The following ABCA12 variants were observed in gnomAD, a reference collection of about 807,000 sequenced individuals.
ABCA12 encodes ATP binding cassette subfamily A member 12.
A neutral mutation model predicts 293.5 loss-of-function variants in ABCA12; 156 were observed. That is an observed-to-expected ratio of 0.53 (90% CI 0.47 to 0.61). The LOEUF (loss-of-function observed/expected upper bound fraction) is 0.61, where lower values mean the gene tolerates loss of function less well. Among genes scored for constraint, ABCA12 ranks in the 20% least tolerant of loss-of-function variants. The pLI, the probability that ABCA12 is intolerant of heterozygous loss-of-function variation, is 0.00. For missense variants in ABCA12, 2,797 were observed against 3,090.2 expected (o/e 0.91, Z 2.25); for synonymous variants, 1,063 against 1,108.0 (o/e 0.96, Z 0.81).
At chr2:214,964,404 A>G (rs1427014392) in intron 39 of ABCA12, among the ~76,000 whole-genome samples, 1 of 152,166 alleles carries the variant, frequency 6.6e-6, no homozygotes, top group African/African-American at 2.4e-5. Flanking sequence ...AAAGAAATAA[A>G]GGTATTCAAA....
At chr2:215,040,470 G>A (rs1339615290) in intron 7 of ABCA12, among the ~76,000 whole-genome samples, 1 of 152,038 alleles carries the variant, frequency 6.6e-6, no homozygotes, top group African/African-American at 2.4e-5. Flanking sequence ...AAAAAGTATT[G>A]GCAAAGATAT....
intron 2 of ABCA12, among the ~76,000 whole-genome samples, chr2:215,099,407 G>T (rs545922389): frequency 5.9e-5 from 9 of 152,242 alleles, no homozygotes; most frequent in African/African-American, 1.7e-4. Context: ...TTTAATTTCC[G>T]ACCCCAGCTG....
chr2:215,042,064 C>A lies in ABCA12; in HGVS notation c.872+3773G>T, dbSNP rs1161368170. Among the ~76,000 whole-genome samples the A allele has an allele frequency of 2.0e-5, 3 of 152,156 alleles. No homozygotes were observed. The East Asian group carries it at 5.8e-4, about 29-fold the overall frequency. ...TTGGTAATGAACAGGCATGGAGTTTCAGTTAAGCAAGATGAATAAGCTCTA... is the reference window on the plus strand; with the variant it reads ...TTGGTAATGAACAGGCATGGAGTTTAAGTTAAGCAAGATGAATAAGCTCTA... On this transcript the variant is annotated intron_variant, in intron 7 of 52. Coordinates refer to ENST00000272895, the MANE Select transcript of ABCA12 (RefSeq NM_173076.3).
At chr2:214,991,547 A>C (rs1195664987) in intron 23 of ABCA12, among the ~76,000 whole-genome samples, 1 of 152,120 alleles carries the variant, frequency 6.6e-6, no homozygotes, top group African/African-American at 2.4e-5. Flanking sequence ...GAAACAGTAT[A>C]CCTGATTCCT....
At chr2:214,956,129 T>G (rs1252121277) in intron 42 of ABCA12, among the ~76,000 whole-genome samples, 1 of 152,172 alleles carries the variant, frequency 6.6e-6, no homozygotes, top group African/African-American at 2.4e-5. Context: ...AATTGCTAAT[T>G]AAGGGTTACT....
chr2:215,029,788 T>TC (rs1297113455), intron 9 of ABCA12, among the ~76,000 whole-genome samples: 1 of 152,098 alleles, frequency 6.6e-6, no homozygotes, highest in African/African-American at 2.4e-5. Context: ...CCTACCTACT[T>TC]CCCAAGAGTG....
intron 38 of ABCA12, 137 bp from the exon 39 acceptor site, chr2:214,967,090 A>T: frequency 1.3e-6 from 1 of 799,638 alleles, no homozygotes. Context: ...TTGGAAGATT[A>T]TGCACTGTTC....
At chr2:215,033,966 AT>A (rs986793184) in intron 8 of ABCA12, among the ~76,000 whole-genome samples, 7 of 152,252 alleles carry the variant, frequency 4.6e-5, no homozygotes, top group African/African-American at 1.7e-4. Flanking sequence ...AAATAAAAAA[AT>A]AAATATATGT....
chr2:214,965,352 G>T (rs1422035060), intron 39 of ABCA12, among the ~76,000 whole-genome samples: 1 of 152,052 alleles, frequency 6.6e-6, no homozygotes, highest in Non-Finnish European at 1.5e-5. Flanking sequence ...CAAAAACAAA[G>T]CAATTGCAAC....
At chr2:214,981,942 TTTA>T (rs200886578) in intron 30 of ABCA12, among the ~76,000 whole-genome samples, 2,770 of 128,596 alleles carry the variant, frequency 0.022, 75 homozygotes, top group African/African-American at 0.055. Context: ...GTCAGCTGTT[TTTA>T]TTATTATTAT....
At chr2:215,002,206 G>A (rs1700160737) in intron 20 of ABCA12, among the ~76,000 whole-genome samples, 1 of 152,148 alleles carries the variant, frequency 6.6e-6, no homozygotes, top group Admixed American at 6.5e-5. Context: ...TATTACATAA[G>A]CTGTGATATA....
At chr2:215,001,837 T>A in intron 20 of ABCA12, 100 bp from the exon 21 acceptor site, 1 of 1,061,470 alleles carries the variant, frequency 9.4e-7, no homozygotes, top group Non-Finnish European at 1.4e-6. Flanking sequence ...AACTAGATTA[T>A]AAATAACAAA....
At position 215,045,984 on chromosome 2, in the gene ABCA12, A is replaced by G; in HGVS notation, c.725T>C (p.Val242Ala). 1 of 1,613,694 alleles carries G rather than the reference A, an allele frequency of 6.2e-7. No individual in the cohort carries two copies. Among genetic ancestry groups the G allele is most frequent in the Non-Finnish European group, 8.5e-7 (1 of 1,179,780 alleles). ...LSSDPNNQKI[V>A]FQEIVRMLSF... ...CAGCATTCTGACTATTTCCTGAAAC[A>G]CTATCTTCTGATTGTTGGGGTCACT... Residue 242 changes from valine (V) to alanine (A), a missense_variant, in exon 7 of 53, where the codon GTG (valine) becomes GCG (alanine). Around this residue, in one of 3 missense-constraint regions of ABCA12, gnomAD observed 656 missense variants for 638.2 expected, o/e 1.03. Transcript: ENST00000272895.
chr2:214,939,656 G>A (rs1306736771), intron 50 of ABCA12, among the ~76,000 whole-genome samples: 1 of 152,094 alleles, frequency 6.6e-6, no homozygotes, highest in African/African-American at 2.4e-5. Context: ...GTGGTTTGTA[G>A]TTCTCCTTGA....
chr2:214,998,040 G>T (rs1225641684), intron 22 of ABCA12, among the ~76,000 whole-genome samples: 2 of 151,706 alleles, frequency 1.3e-5, no homozygotes, highest in Non-Finnish European at 2.9e-5. Context: ...AAAAGCTCTG[G>T]ATTATTACAT....
chr2:215,060,417 T>G (rs1227095333), intron 3 of ABCA12, among the ~76,000 whole-genome samples: 3 of 152,050 alleles, frequency 2.0e-5, no homozygotes, highest in Non-Finnish European at 4.4e-5. Flanking sequence ...ATTTTAACCA[T>G]TCTTTTTTCA....
chr2:214,958,926 A>T, intron 40 of ABCA12, 98 bp downstream of exon 40: 2 of 1,243,818 alleles, frequency 1.6e-6, no homozygotes, highest in Non-Finnish European at 2.4e-6. Flanking sequence ...CTAGATTGAC[A>T]TTCATTCAGA....
rs1559144818 is a variant in ABCA12, at chr2:215,011,514, G to C, written c.2257C>G (p.His753Asp). 6.2e-7 allele frequency: 1 copy of C among 1,613,880 alleles called. No individual in the cohort carries two copies. The highest frequency in any genetic ancestry group is 8.5e-7 in the Non-Finnish European group (1 of 1,179,918). Residue 753 changes from histidine (H) to aspartate (D), a missense_variant, in exon 17 of 53, where the codon CAC becomes GAC. By Grantham distance (81) the His-to-Asp change is moderately conservative (BLOSUM62 -1). This residue lies in a region of ABCA12 where 2,130 missense variants were observed against 2,427.0 expected (regional missense o/e 0.88). Coordinates refer to ENST00000272895, the MANE Select transcript of ABCA12 (RefSeq NM_173076.3). The stretch of plus-strand genomic sequence containing the variant: ...TTATAAGTCAAAAAATCCTTGGTGT[G>C]GTTGCCTTTTGGCCTCTGGGAAGAG... ...LPSSQRPKGN[H>D]TKDFLTYKLT...
At position 215,107,751 on chromosome 2, in the gene ABCA12, C is replaced by G. The variant is rs1358474047; in HGVS notation, c.163+3846G>C. On this transcript the variant is annotated intron_variant, in intron 2 of 52. Transcript: ENST00000272895. ...TGAGTTATCAAGTCCTACAGACCTGCCTGACTCTTCTGGGAGCAGAATGTA... is the reference window on the plus strand; with the variant it reads ...TGAGTTATCAAGTCCTACAGACCTGGCTGACTCTTCTGGGAGCAGAATGTA... Among the ~76,000 whole-genome samples, 4 of 152,280 alleles carry G rather than the reference C, an allele frequency of 2.6e-5. No individual in the cohort carries two copies. In the East Asian group the frequency reaches 5.8e-4, roughly 22 times the overall value.
Sources: allele counts gnomAD v4.1 joint callset (sites outside exome capture counted in the v4.1 genomes callset), GRCh38; gene constraint gnomAD v4.1.1; regional missense constraint gnomAD v4.1.1; transcripts MANE v1.5; gene names NCBI Gene and HGNC (gene_info 2026-07-23, HGNC 2026-07-21).